The following MARCHF1 variants were observed in gnomAD, a reference collection of about 807,000 sequenced individuals.
MARCHF1 encodes E3 ubiquitin-protein ligase MARCHF1.
MARCHF1 carries 40 observed loss-of-function variants against 54.2 expected under a neutral mutation model. The ratio of observed to expected loss-of-function variants is 0.74; its 90% confidence interval spans 0.57 to 0.96. The LOEUF is 0.96. Among genes scored for constraint, MARCHF1 ranks in the 40% least tolerant of loss-of-function variants. The pLI, the probability that MARCHF1 is intolerant of heterozygous loss-of-function variation, is 0.00. For missense variants in MARCHF1, 586 were observed against 656.5 expected (o/e 0.89, Z 1.17); for synonymous variants, 236 against 236.3 (o/e 1.00, Z 0.01).
chr4:163,888,901 C>A (rs1006535620), intron 3 of MARCHF1, among the ~76,000 whole-genome samples: 2 of 152,128 alleles, frequency 1.3e-5, no homozygotes, highest in Non-Finnish European at 2.9e-5. Context: ...AGATACTTTA[C>A]TAGATGCTGA....
intron 1 of MARCHF1, among the ~76,000 whole-genome samples, chr4:164,283,112 C>A (rs1286429060): frequency 6.6e-6 from 1 of 151,146 alleles, no homozygotes; most frequent in African/African-American, 2.4e-5. Context: ...AGCAAAAATA[C>A]CAATCCTTAC....
chr4:164,063,701 A>T (rs1352179071), intron 2 of MARCHF1, among the ~76,000 whole-genome samples: 2 of 152,198 alleles, frequency 1.3e-5, no homozygotes, highest in East Asian at 3.8e-4. Flanking sequence ...TAGCATTTTT[A>T]TATTCCAAAT....
intron 8 of MARCHF1, among the ~76,000 whole-genome samples, chr4:163,548,966 T>C (rs969635006): frequency 4.6e-5 from 7 of 152,252 alleles, no homozygotes; most frequent in African/African-American, 1.4e-4. Context: ...GTGAAACTTT[T>C]CATAGCATTT....
intron 1 of MARCHF1, chr4:164,188,981 C>T (rs968021568): frequency 1.4e-6 from 1 of 717,270 alleles, no homozygotes; most frequent in East Asian, 2.5e-5. Flanking sequence ...CATTAACGAG[C>T]CTATGGCAGC....
At chr4:163,641,473 C>G (rs1466206234) in intron 5 of MARCHF1, among the ~76,000 whole-genome samples, 2 of 152,032 alleles carry the variant, frequency 1.3e-5, no homozygotes, top group Admixed American at 1.3e-4. Context: ...GTTCTGAAAA[C>G]CAAGCATCTA....
chr4:163,781,114 G>T (rs1747452862), intron 4 of MARCHF1, among the ~76,000 whole-genome samples: 1 of 152,044 alleles, frequency 6.6e-6, no homozygotes, highest in Admixed American at 6.6e-5. Context: ...GAGGCCAAGG[G>T]GCGGGGGGGG....
chr4:164,116,129 G>A lies in MARCHF1; in HGVS notation c.-322-4467C>T, dbSNP rs11939856. ...AAATAAAGCATTATCAATAGTTAATGGGAAAGTTAAATTAAGGCCTTCATA... is the reference window on the plus strand; with the variant it reads ...AAATAAAGCATTATCAATAGTTAATAGGAAAGTTAAATTAAGGCCTTCATA... On this transcript the variant is annotated intron_variant, in intron 1 of 9. Transcript: ENST00000514618. 4.2e-3 allele frequency among the ~76,000 whole-genome samples: 646 copies of A among 152,046 alleles called. 5 individuals carry two copies. Among genetic ancestry groups the A allele is most frequent in the African/African-American group, 0.015 (614 of 41,496 alleles).
At position 164,155,435 on chromosome 4, in the gene MARCHF1, G is replaced by A. The variant is rs139576149; in HGVS notation, c.-322-43773C>T. 1.4e-3 allele frequency among the ~76,000 whole-genome samples: 219 copies of A among 152,176 alleles called. 6 individuals are homozygous for A. In the East Asian group the frequency reaches 0.04, roughly 28 times the overall value. Reference sequence around the variant, plus strand: ...TTAAAATTCCACTAACTTTACTGAAGAGCTAATAATGTGATTTAATTTCCT... The same window carrying A: ...TTAAAATTCCACTAACTTTACTGAAAAGCTAATAATGTGATTTAATTTCCT... On this transcript the variant is annotated intron_variant, in intron 1 of 9. Coordinates refer to ENST00000514618, the MANE Select transcript of MARCHF1 (RefSeq NM_001394959.1).
At chr4:163,610,893 C>T (rs1251414740) in intron 7 of MARCHF1, among the ~76,000 whole-genome samples, 1 of 151,988 alleles carries the variant, frequency 6.6e-6, no homozygotes, top group Non-Finnish European at 1.5e-5. Context: ...TGCCAAGCTC[C>T]GTCCCTCCTC....
Position 163,716,982 on chromosome 4 carries a change from ATTTAT to A in MARCHF1, c.112-16124_112-16120del, listed in dbSNP as rs377492057. Among the ~76,000 whole-genome samples the A allele has an allele frequency of 3.4e-4, 52 of 152,030 alleles. No individual in the cohort carries two copies. In the South Asian group the frequency reaches 8.5e-3, roughly 25 times the overall value. ...CACTTATTAAAATCTACACATACAC[ATTTAT>A]TTTATTTACTTATTTATTTTTATTA... On this transcript the variant is annotated intron_variant, in intron 4 of 9. Transcript: ENST00000514618.
At chr4:163,869,810 T>G (rs1750132149) in intron 3 of MARCHF1, among the ~76,000 whole-genome samples, 1 of 152,132 alleles carries the variant, frequency 6.6e-6, no homozygotes, top group Admixed American at 6.6e-5. Flanking sequence ...ATATAATAGT[T>G]TGACCACATT....
chr4:164,079,131 T>C (rs1755041804), intron 2 of MARCHF1, among the ~76,000 whole-genome samples: 2 of 152,200 alleles, frequency 1.3e-5, no homozygotes, highest in South Asian at 2.1e-4. Flanking sequence ...TTCCTCTGTG[T>C]TCCTAATGAA....
intron 4 of MARCHF1, among the ~76,000 whole-genome samples, chr4:163,851,401 G>A (rs778399297): frequency 2.6e-5 from 4 of 152,162 alleles, no homozygotes; most frequent in African/African-American, 9.7e-5. Flanking sequence ...AAGAATCATG[G>A]TTTATTGTGG....
intron 1 of MARCHF1, among the ~76,000 whole-genome samples, chr4:164,271,691 C>T (rs911993786): frequency 5.9e-5 from 9 of 151,780 alleles, no homozygotes; most frequent in East Asian, 1.9e-4. Flanking sequence ...GAAATCAGTT[C>T]GAGGTGAATT....
intron 3 of MARCHF1, chr4:163,932,584 G>A (rs1416899221): frequency 5.3e-6 from 2 of 379,186 alleles, no homozygotes; most frequent in Admixed American, 6.9e-5. Flanking sequence ...GATGACATGG[G>A]TACCTGCATG....
chr4:164,267,576 G>A (rs1309616785), intron 1 of MARCHF1, among the ~76,000 whole-genome samples: 2 of 152,100 alleles, frequency 1.3e-5, no homozygotes, highest in Non-Finnish European at 2.9e-5. Flanking sequence ...AGAACCATGT[G>A]AGTGAGCTGG....
chr4:163,967,557 C>T (rs906886731), intron 3 of MARCHF1, among the ~76,000 whole-genome samples: 2 of 152,146 alleles, frequency 1.3e-5, no homozygotes, highest in African/African-American at 2.4e-5. Context: ...GCCAGTTTCT[C>T]GGGTTCCCTT....
chr4:163,965,403 T>G (rs1752422527), intron 3 of MARCHF1, among the ~76,000 whole-genome samples: 1 of 151,976 alleles, frequency 6.6e-6, no homozygotes, highest in Admixed American at 6.6e-5. Context: ...ATTTTCAGCA[T>G]CCCCATTTTA....
chr4:164,211,028 A>G (rs550615473), intron 1 of MARCHF1, among the ~76,000 whole-genome samples: 2 of 152,080 alleles, frequency 1.3e-5, no homozygotes, highest in Non-Finnish European at 2.9e-5. Context: ...AGCAGAGAGT[A>G]GAACAGTAGT....
Sources: gnomAD v4.1 joint callset for allele counts (sites outside exome capture counted in the v4.1 genomes callset) on GRCh38, gnomAD v4.1.1 for gene constraint, MANE v1.5 for transcripts, NCBI Gene and HGNC (gene_info 2026-07-23, HGNC 2026-07-21) for gene names.